The following LIPC variants were observed in gnomAD, a reference collection of about 807,000 sequenced individuals.
The protein encoded by LIPC is lipase C, hepatic type, also known as hepatic triacylglycerol lipase.
In LIPC, 44 loss-of-function variants were observed where a neutral mutation model predicts 50.7. The ratio of observed to expected loss-of-function variants is 0.87; its 90% CI spans 0.68 to 1.11. LIPC has a LOEUF of 1.11. Among genes scored for constraint, LIPC ranks in the 50% most tolerant of loss-of-function variants. LIPC has a pLI of 0.00. For synonymous variants in LIPC, 271 were observed against 256.4 expected, an observed-to-expected ratio of 1.06 and a Z score of -0.54; for missense variants, 697 against 648.2, an observed-to-expected ratio of 1.08 and a Z score of -0.82.
At chr15:58,503,281 G>T (rs573989368) in intron 1 of LIPC, among the ~76,000 whole-genome samples, 27 of 152,260 alleles carry the variant, frequency 1.8e-4, no homozygotes, top group African/African-American at 6.5e-4. Context: ...AACTTGGTGG[G>T]TTCCTTAAAC....
chr15:58,531,985 T>C (rs1892974448), intron 1 of LIPC, among the ~76,000 whole-genome samples: 1 of 152,170 alleles, frequency 6.6e-6, no homozygotes, highest in African/African-American at 2.4e-5. Flanking sequence ...CCTTGGGTAA[T>C]TGAGGTTCGA....
At position 58,470,698 on chromosome 15, in the gene LIPC, C is replaced by T. The variant is rs1595876668; in HGVS notation, c.88+38578C>T. On this transcript the variant is annotated intron_variant, in intron 1 of 8. Coordinates refer to ENST00000299022, the MANE Select transcript of LIPC (RefSeq NM_000236.3). ...CACCGCAACCTCCGCCTCCCGGGTGCACACCATTCTGCTGCCTCAGCCTCC... is the reference window on the plus strand; with the variant it reads ...CACCGCAACCTCCGCCTCCCGGGTGTACACCATTCTGCTGCCTCAGCCTCC... 2.6e-5 allele frequency among the ~76,000 whole-genome samples: 4 copies of T among 151,798 alleles called. No homozygotes were observed. The South Asian group carries it at 6.2e-4, about 24-fold the overall frequency.
At chr15:58,486,869 A>G (rs542526561) in intron 1 of LIPC, among the ~76,000 whole-genome samples, 1 of 152,342 alleles carries the variant, frequency 6.6e-6, no homozygotes, top group South Asian at 2.1e-4. Flanking sequence ...CAAACAATCA[A>G]ATAGTGAACA....
chr15:58,460,036 A>C (rs1240490134), intron 1 of LIPC, among the ~76,000 whole-genome samples: 1 of 152,208 alleles, frequency 6.6e-6, no homozygotes, highest in African/African-American at 2.4e-5. Context: ...GGAAGGCTGT[A>C]TGGGTCCCGT....
chr15:58,540,998 ACCATGTTCC>A (rs1430530830), intron 2 of LIPC, among the ~76,000 whole-genome samples: 1 of 151,846 alleles, frequency 6.6e-6, no homozygotes, highest in East Asian at 1.9e-4. Context: ...ATGGGGTTTC[ACCATGTTCC>A]CCAGGCTGGT....
At chr15:58,494,491 G>A (rs539283126) in intron 1 of LIPC, among the ~76,000 whole-genome samples, 12 of 152,314 alleles carry the variant, frequency 7.9e-5, no homozygotes, top group East Asian at 1.9e-4. Flanking sequence ...TAATAGACTC[G>A]TCAGGGCTTG....
intron 1 of LIPC, among the ~76,000 whole-genome samples, chr15:58,485,330 G>A (rs1224042686): frequency 6.6e-6 from 1 of 152,186 alleles, no homozygotes; most frequent in African/African-American, 2.4e-5. Context: ...TGCTTATGAT[G>A]GGTGAGGAGA....
chr15:58,561,131 A>G (rs1254465954), intron 7 of LIPC, 150 bp downstream of exon 7: 7 of 677,026 alleles, frequency 1.0e-5, no homozygotes, highest in Non-Finnish European at 1.9e-5. Flanking sequence ...ATGTCAATCA[A>G]TTTAGTTTAT....
intron 1 of LIPC, among the ~76,000 whole-genome samples, chr15:58,487,720 C>T (rs1387973656): frequency 1.3e-5 from 2 of 152,190 alleles, no homozygotes; most frequent in Non-Finnish European, 2.9e-5. Context: ...AAAAGGATTT[C>T]CTTTCCCCAT....
Position 58,568,609 on chromosome 15 carries a change from A to G in LIPC, c.1389-107A>G, listed in dbSNP as rs1894462020. 4.3e-6 allele frequency: 3 copies of G among 705,806 alleles called. No homozygotes were observed. The South Asian group carries it at 4.8e-5, about 11-fold the overall frequency. 43.7% of individuals were successfully genotyped at this position (705,806 alleles called of 1,614,324 possible). A position where few individuals can be genotyped will look rare whatever the true frequency, so the allele number is the denominator to read the frequency against. The stretch of plus-strand genomic sequence containing the variant: ...ACATAAGAATCTAACTTAAAAAAAG[A>G]CATCACATGCCTTACACAAATTGAG... On this transcript the variant is annotated intron_variant, in intron 8 of 8. Transcript: ENST00000299022.
At chr15:58,549,502 G>A (rs1339469319) in intron 6 of LIPC, among the ~76,000 whole-genome samples, 2 of 152,218 alleles carry the variant, frequency 1.3e-5, no homozygotes, top group Admixed American at 6.5e-5. Context: ...AGGCGAGGAT[G>A]GCAGGGCTGG....
intron 1 of LIPC, chr15:58,533,164 T>A (rs1288903952): frequency 1.0e-6 from 1 of 984,928 alleles, no homozygotes; most frequent in Non-Finnish European, 1.2e-6. Context: ...TCTGAAGACA[T>A]GAGAAAAGCT....
chr15:58,435,480 G>C (rs1893262677), intron 1 of LIPC: 1 of 142,294 alleles, frequency 7.0e-6, no homozygotes, highest in Admixed American at 6.9e-5. Context: ...AATGGGGTGG[G>C]AGTGGGGTGG....
At chr15:58,507,660 C>T (rs1317234012) in intron 1 of LIPC, among the ~76,000 whole-genome samples, 1 of 152,194 alleles carries the variant, frequency 6.6e-6, no homozygotes, top group Non-Finnish European at 1.5e-5. Flanking sequence ...TGGCTAGCGA[C>T]CTTTTTCCAT....
rs563133307 is a variant in LIPC at position 58,542,982 on chromosome 15, C to A, written c.574+331C>A. Among the ~76,000 whole-genome samples, 81 of 152,178 alleles carry A rather than the reference C, an allele frequency of 5.3e-4. 1 individual carries two copies. The South Asian group carries it at 9.5e-3, about 18-fold the overall frequency. ...TATAATTTACAAAGTCCAATTTGGG[C>A]GAGTTAAGGAGTGAAGAATCACAGC... is the stretch of plus-strand genomic sequence containing the variant. On this transcript the variant is annotated intron_variant, in intron 4 of 8. Coordinates refer to ENST00000299022, the MANE Select transcript of LIPC (RefSeq NM_000236.3).
intron 1 of LIPC, among the ~76,000 whole-genome samples, chr15:58,447,097 C>T (rs1454539295): frequency 1.4e-5 from 2 of 141,852 alleles, no homozygotes; most frequent in Admixed American, 7.7e-5. Context: ...TGCAGTGAGC[C>T]GAGATTGCGC....
chr15:58,487,753 A>T (rs1473609263), intron 1 of LIPC, among the ~76,000 whole-genome samples: 1 of 152,198 alleles, frequency 6.6e-6, no homozygotes, highest in African/African-American at 2.4e-5. Flanking sequence ...CACCTCTAAC[A>T]CATTAAAGCT....
chr15:58,462,635 G>A (rs1894393329), intron 1 of LIPC, among the ~76,000 whole-genome samples: 2 of 152,194 alleles, frequency 1.3e-5, no homozygotes, highest in Admixed American at 1.3e-4. Context: ...AGCATGAGAG[G>A]AACCAAAGCC....
chr15:58,445,731 T>C (rs1440072129), intron 1 of LIPC, among the ~76,000 whole-genome samples: 2 of 152,176 alleles, frequency 1.3e-5, no homozygotes, highest in African/African-American at 4.8e-5. Context: ...AACAAATCAC[T>C]CAAGGCCTGC....
Sources: allele counts gnomAD v4.1 joint callset (sites outside exome capture counted in the v4.1 genomes callset), GRCh38; gene constraint gnomAD v4.1.1; transcripts MANE v1.5; gene names NCBI Gene and HGNC (gene_info 2026-07-23, HGNC 2026-07-21).